PGM5: variants seen among roughly 807,000 people sequenced by gnomAD.
PGM5 encodes phosphoglucomutase-like protein 5.
Under a neutral mutation model 59.2 loss-of-function variants are expected in PGM5, and 23 were observed. That is an observed-to-expected ratio of 0.39 (90% CI 0.28 to 0.55). The LOEUF is 0.55. Ranked by LOEUF, PGM5 falls within the 20% of genes least tolerant of loss-of-function variation. The probability of loss-of-function intolerance (pLI) is 0.66; values close to 1 mark genes in which losing one functional copy is unlikely to be tolerated. For missense variants in PGM5, 574 were observed against 748.3 expected, an observed-to-expected ratio of 0.77 and a Z score of 2.72; for synonymous variants, 214 against 286.0, an observed-to-expected ratio of 0.75 and a Z score of 2.54.
At chr9:68,446,634 A>G (rs1554684015) in intron 6 of PGM5, among the ~76,000 whole-genome samples, 1 of 152,220 alleles carries the variant, frequency 6.6e-6, no homozygotes, top group Non-Finnish European at 1.5e-5. Context: ...TTTATGAAGG[A>G]TGAAGTCTAC....
chr9:68,428,557 G>T (rs1251707612), intron 6 of PGM5: 1 of 152,136 alleles, frequency 6.6e-6, no homozygotes, highest in Non-Finnish European at 1.5e-5. Flanking sequence ...TTTCCCCTGA[G>T]CCAAGATCAC....
intron 9 of PGM5, among the ~76,000 whole-genome samples, chr9:68,496,268 G>T (rs782178299): frequency 1.2e-4 from 18 of 152,194 alleles, no homozygotes; most frequent in Non-Finnish European, 1.9e-4. Flanking sequence ...TCGTGTCTGG[G>T]TTGCAAATTC....
In PGM5 at chr9:68,423,552, G is replaced by C. The variant is rs554872953; in HGVS notation, c.1043+31079G>C. On this transcript the variant is annotated intron_variant, in intron 6 of 10. Transcript: ENST00000396396. ...CTTGGTGTTGAGAATGGCATGCAGAGCTGACATTAGGTTCAATCAGGTTGT... is the reference window on the plus strand; with the variant it reads ...CTTGGTGTTGAGAATGGCATGCAGACCTGACATTAGGTTCAATCAGGTTGT... Among the ~76,000 whole-genome samples, 5 of 152,242 alleles carry C rather than the reference G, an allele frequency of 3.3e-5. No individual in the cohort carries two copies. The South Asian group carries it at 1.0e-3, about 32-fold the overall frequency.
intron 10 of PGM5, among the ~76,000 whole-genome samples, chr9:68,520,727 C>A (rs769928420): frequency 1.3e-5 from 2 of 152,150 alleles, no homozygotes; most frequent in Non-Finnish European, 2.9e-5. Context: ...AAGGGAAGTC[C>A]TTTAATATCA....
chr9:68,484,572 ACACAC>A (rs782117022), intron 9 of PGM5, among the ~76,000 whole-genome samples: 3 of 149,492 alleles, frequency 2.0e-5, no homozygotes, highest in Admixed American at 2.0e-4. Context: ...ACACACACAC[ACACAC>A]AAAACAAAAC....
intron 10 of PGM5, among the ~76,000 whole-genome samples, chr9:68,501,495 G>A (rs202197515): frequency 6.6e-6 from 1 of 152,170 alleles, no homozygotes; most frequent in Non-Finnish European, 1.5e-5. Context: ...TTGCTTTCCA[G>A]GACCACCTGC....
At chr9:68,438,012 G>A (rs1273040526) in intron 6 of PGM5, among the ~76,000 whole-genome samples, 2 of 152,134 alleles carry the variant, frequency 1.3e-5, no homozygotes, top group Non-Finnish European at 2.9e-5. Flanking sequence ...TCCTGGCCAG[G>A]CGAGGTGGCT....
chr9:68,466,164 T>C, intron 7 of PGM5: 2 of 1,301,378 alleles, frequency 1.5e-6, no homozygotes, highest in Non-Finnish European at 2.0e-6. Flanking sequence ...TGTTTCAGTT[T>C]AGATCGTCTC....
At chr9:68,380,621 T>G (rs1304140909) in intron 2 of PGM5, among the ~76,000 whole-genome samples, 1 of 151,770 alleles carries the variant, frequency 6.6e-6, no homozygotes, top group Non-Finnish European at 1.5e-5. Flanking sequence ...AAATGTAGTA[T>G]AGAAAAACTA....
chr9:68,362,307 G>T (rs1554676330), intron 1 of PGM5, among the ~76,000 whole-genome samples: 1 of 152,106 alleles, frequency 6.6e-6, no homozygotes, highest in African/African-American at 2.4e-5. Flanking sequence ...AATGAATTTT[G>T]TTTTGTCTCA....
chr9:68,526,051 T>G (rs1048286285), intron 10 of PGM5, among the ~76,000 whole-genome samples: 1 of 149,132 alleles, frequency 6.7e-6, no homozygotes, highest in African/African-American at 2.5e-5. Context: ...GTGAGACTCC[T>G]TCTCAAAAAA....
chr9:68,456,490 T>C (rs1823779334), intron 6 of PGM5, among the ~76,000 whole-genome samples: 1 of 151,286 alleles, frequency 6.6e-6, no homozygotes, highest in Non-Finnish European at 1.5e-5. Flanking sequence ...TTTTTTTTTT[T>C]TTGTATTTTT....
intron 6 of PGM5, among the ~76,000 whole-genome samples, chr9:68,417,355 A>T (rs868944701): frequency 2.8e-4 from 43 of 152,170 alleles, no homozygotes; most frequent in East Asian, 9.7e-4. Context: ...TAGCCCCAAG[A>T]AGCTCTTTAC....
chr9:68,493,280 TA>T (rs34197184), intron 9 of PGM5, among the ~76,000 whole-genome samples: 1 of 152,198 alleles, frequency 6.6e-6, no homozygotes, highest in African/African-American at 2.4e-5. Context: ...TTTTTAAAAT[TA>T]AAAAAATAGT....
rs1255413291 is a variant in PGM5 at position 68,530,726 on chromosome 9, C to A, written c.*1070C>A. ...AGGGGAGGGTGGGGACCCCTGCCGG[C>A]AAGCAGAGTGTCACAGCTGGCTTTC... is the stretch of plus-strand genomic sequence containing the variant. On this transcript the variant is annotated 3_prime_UTR_variant, in exon 11 of 11. Coordinates refer to ENST00000396396, the MANE Select transcript of PGM5 (RefSeq NM_021965.4). The A allele has an allele frequency of 1.3e-5, 2 of 152,242 alleles. No individual in the cohort carries two copies. Among genetic ancestry groups the A allele is most frequent in the Non-Finnish European group, 2.9e-5 (2 of 68,076 alleles). The allele number at this position is 152,242 out of a possible 1,614,324, so 9.4% of individuals were successfully genotyped here.
chr9:68,387,287 GC>G (rs1488025141), intron 3 of PGM5, among the ~76,000 whole-genome samples, 175 bp from the exon 4 acceptor site: 1 of 152,124 alleles, frequency 6.6e-6, no homozygotes, highest in African/African-American at 2.4e-5. Context: ...TCTTGATTGT[GC>G]CCTGATTTGT....
chr9:68,358,122 G>T (rs1358245083), intron 1 of PGM5, among the ~76,000 whole-genome samples: 2 of 152,162 alleles, frequency 1.3e-5, no homozygotes, highest in African/African-American at 4.8e-5. Flanking sequence ...TTCCCAGGGG[G>T]CATATCTCTA....
chr9:68,429,974 G>A (rs1389032), intron 6 of PGM5, among the ~76,000 whole-genome samples: 3,595 of 152,294 alleles, frequency 0.024, 128 homozygotes, highest in African/African-American at 0.08. Flanking sequence ...GCTGGAAGAA[G>A]GAACAGTATC....
At chr9:68,359,692 T>C (rs1341293886) in intron 1 of PGM5, among the ~76,000 whole-genome samples, 5 of 152,240 alleles carry the variant, frequency 3.3e-5, no homozygotes, top group Non-Finnish European at 7.3e-5. Context: ...GATATCCTAT[T>C]GGATACTCAT....
Sources: gnomAD v4.1 joint callset for allele counts (sites outside exome capture counted in the v4.1 genomes callset) on GRCh38, gnomAD v4.1.1 for gene constraint, MANE v1.5 for transcripts, NCBI Gene and HGNC (gene_info 2026-07-23, HGNC 2026-07-21) for gene names.